TEX11: variants seen among roughly 807,000 people sequenced by gnomAD.
TEX11 encodes the protein testis expressed 11.
In TEX11, 7 loss-of-function variants were observed where a neutral mutation model predicts 84.4. The ratio of observed to expected loss-of-function variants is 0.08; its 90% CI spans 0.05 to 0.16. The LOEUF (loss-of-function observed/expected upper bound fraction) is 0.16, where lower values mean the gene tolerates loss of function less well. Among genes scored for constraint, TEX11 ranks in the 10% least tolerant of loss-of-function variants. The pLI is 1.00. For missense variants in TEX11, 551 were observed against 660.5 expected, an observed-to-expected ratio of 0.83 and a Z score of 1.82; for synonymous variants, 264 against 222.8, an observed-to-expected ratio of 1.18 and a Z score of -1.64.
intron 11 of TEX11, among the ~76,000 whole-genome samples, chrX:70,737,948 A>G (rs1365531268): frequency 9.0e-6 from 1 of 111,618 alleles, no homozygotes; most frequent in African/African-American, 3.2e-5. Flanking sequence ...ACAAAAATTA[A>G]CTCAAAATGG....
intron 11 of TEX11, among the ~76,000 whole-genome samples, chrX:70,726,762 C>T (rs189316293): frequency 1.8e-5 from 2 of 109,848 alleles, no homozygotes; most frequent in East Asian, 2.9e-4. Flanking sequence ...AACTCCTGAC[C>T]TCAAGTGATC....
At chrX:70,750,966 A>ATATATATATATATAT (rs1411833714) in intron 9 of TEX11, among the ~76,000 whole-genome samples, 50 of 84,311 alleles carry the variant, frequency 5.9e-4, no homozygotes, top group South Asian at 1.9e-3. Flanking sequence ...ATATATATAT[A>ATATATATATATATAT]AAAGTCAGGA....
intron 17 of TEX11, among the ~76,000 whole-genome samples, chrX:70,634,394 G>C (rs1440547657): frequency 9.0e-6 from 1 of 111,658 alleles, no homozygotes; most frequent in African/African-American, 3.3e-5. Context: ...CAAAGGCCTT[G>C]GAATAGCCAA....
chrX:70,698,413 A>T (rs185327227), intron 13 of TEX11, among the ~76,000 whole-genome samples: 2 of 110,189 alleles, frequency 1.8e-5, no homozygotes, highest in Non-Finnish European at 3.8e-5. Flanking sequence ...AACTTTAAAG[A>T]ATTTCTATAA....
intron 13 of TEX11, among the ~76,000 whole-genome samples, chrX:70,711,577 C>T (rs1312979060): frequency 1.8e-5 from 2 of 111,993 alleles, no homozygotes; most frequent in Non-Finnish European, 1.9e-5. Flanking sequence ...TTTGGCTGCA[C>T]AAATGTCTTC....
At chrX:70,779,154 C>T (rs574552512) in intron 9 of TEX11, among the ~76,000 whole-genome samples, 4 of 111,270 alleles carry the variant, frequency 3.6e-5, no homozygotes, top group South Asian at 3.8e-4. Flanking sequence ...TGGTGGCTCA[C>T]GCCTGTAATC....
chrX:70,778,909 C>T (rs1010075966), intron 9 of TEX11, among the ~76,000 whole-genome samples: 2 of 110,780 alleles, frequency 1.8e-5, no homozygotes, highest in African/African-American at 6.6e-5. Context: ...CAATGAATAA[C>T]TTAAAAGGGA....
At chrX:70,769,799 C>T (rs1012013949) in intron 9 of TEX11, among the ~76,000 whole-genome samples, 3 of 111,079 alleles carry the variant, frequency 2.7e-5, no homozygotes, top group Non-Finnish European at 3.8e-5. Context: ...AATTATTTTC[C>T]GTATTGAAAA....
At chrX:70,651,037 C>T (rs776150924) in intron 17 of TEX11, among the ~76,000 whole-genome samples, 21 of 112,028 alleles carry the variant, frequency 1.9e-4, no homozygotes, top group Admixed American at 6.6e-4. Flanking sequence ...AATCACCTCC[C>T]AAATAAGTGA....
At chrX:70,635,428 T>C (rs930212439) in intron 17 of TEX11, among the ~76,000 whole-genome samples, 6 of 112,016 alleles carry the variant, frequency 5.4e-5, no homozygotes, top group Non-Finnish European at 1.1e-4. Context: ...TCTCTAGGAC[T>C]GCCACATCAC....
intron 20 of TEX11, among the ~76,000 whole-genome samples, chrX:70,620,195 TTTATACTGTGGTA>T (rs1342444310): frequency 2.2e-4 from 25 of 111,216 alleles, no homozygotes; most frequent in South Asian, 3.9e-4. Context: ...GCCAGGGATC[TTTATACTGTGGTA>T]TTATACTGTG....
the TEX11 span, among the ~76,000 whole-genome samples, chrX:70,517,711 T>C: frequency 2.7e-5 from 3 of 111,658 alleles, no homozygotes; most frequent in Non-Finnish European, 5.6e-5. Flanking sequence ...CAGCTCCTTT[T>C]TGTACCTCTC....
At chrX:70,531,900 T>A (rs2087893064) in intron 28 of TEX11, among the ~76,000 whole-genome samples, 1 of 111,774 alleles carries the variant, frequency 8.9e-6, no homozygotes, top group African/African-American at 3.2e-5. Flanking sequence ...ACTTGGATTG[T>A]ACTTGAGAAC....
intron 8 of TEX11, among the ~76,000 whole-genome samples, chrX:70,815,679 C>G (rs1471248512): frequency 9.0e-6 from 1 of 111,260 alleles, no homozygotes; most frequent in Non-Finnish European, 1.9e-5. Flanking sequence ...TTTCAGGTAT[C>G]CACTGGACAT....
intron 9 of TEX11, among the ~76,000 whole-genome samples, chrX:70,803,116 AG>A (rs978569566): frequency 1.8e-5 from 2 of 111,916 alleles, no homozygotes; most frequent in Non-Finnish European, 3.8e-5. Flanking sequence ...GAGGAGGAGA[AG>A]GAGGAAAAAA....
At chrX:70,750,931 A>AT (rs1330223404) in intron 9 of TEX11, among the ~76,000 whole-genome samples, 397 of 21,921 alleles carry the variant, frequency 0.018, 3 homozygotes, top group Non-Finnish European at 0.023. Context: ...TAAAAAAAAA[A>AT]AAATATATAT....
At chrX:70,839,755 G>A (rs1367372979) in intron 7 of TEX11, among the ~76,000 whole-genome samples, 5 of 110,912 alleles carry the variant, frequency 4.5e-5, no homozygotes, top group East Asian at 2.8e-4. Flanking sequence ...AAAATTAGGC[G>A]AACGGATACT....
intron 28 of TEX11, among the ~76,000 whole-genome samples, chrX:70,540,995 G>A (rs958213258): frequency 5.4e-5 from 6 of 111,214 alleles, no homozygotes; most frequent in Admixed American, 9.6e-5. Flanking sequence ...AGGGAGGATC[G>A]CTTAGTCCAG....
intron 12 of TEX11, 132 bp downstream of exon 12, chrX:70,725,130 T>C (rs2090589658): frequency 2.8e-6 from 1 of 352,111 alleles, no homozygotes; most frequent in Non-Finnish European, 4.8e-6. Context: ...ATTTTCCCTT[T>C]CCTGGGTGAT....
Sources: allele counts gnomAD v4.1 joint callset (sites outside exome capture counted in the v4.1 genomes callset), GRCh38; gene constraint gnomAD v4.1.1; transcripts MANE v1.5; gene names NCBI Gene and HGNC (gene_info 2026-07-23, HGNC 2026-07-21).